Variants in MPPED1 observed in about 807,000 individuals in gnomAD.
MPPED1 encodes the protein metallophosphoesterase domain containing 1.
A neutral mutation model predicts 36.2 loss-of-function variants in MPPED1; 16 were observed. The observed-to-expected ratio is 0.44, with a 90% CI of 0.30 to 0.67. The LOEUF (loss-of-function observed/expected upper bound fraction) is 0.67. Ranked by LOEUF, MPPED1 falls within the 30% of genes least tolerant of loss-of-function variation. MPPED1 has a pLI of 0.10. For synonymous variants in MPPED1, 199 were observed against 191.3 expected (o/e 1.04, Z -0.33); for missense variants, 307 against 453.4 (o/e 0.68, Z 2.93).
At position 43,505,842 on chromosome 22, in the gene MPPED1, A is replaced by C; in HGVS notation, c.*226A>C. The C allele has an allele frequency of 1.9e-6, 1 of 531,770 alleles. No individual in the cohort carries two copies. Among genetic ancestry groups the C allele is most frequent in the Non-Finnish European group, 3.4e-6 (1 of 298,006 alleles). The allele number at this position is 531,770 out of a possible 1,614,324, so 32.9% of individuals were successfully genotyped here. ...GTGCTCATTTACTTTTTCTGCGTGTACATCCTGCGTGTACCTCGTTAAAGG... is the reference window on the plus strand; with the variant it reads ...GTGCTCATTTACTTTTTCTGCGTGTCCATCCTGCGTGTACCTCGTTAAAGG... On this transcript the variant is annotated 3_prime_UTR_variant, in exon 7 of 7. Transcript: ENST00000443721.
At chr22:43,497,525 G>GAA (rs1932458055) in intron 4 of MPPED1, among the ~76,000 whole-genome samples, 2 of 152,068 alleles carry the variant, frequency 1.3e-5, no homozygotes, top group South Asian at 4.1e-4. Context: ...AAAAGAGACT[G>GAA]CCTGCAATTG....
At chr22:43,431,554 G>C (rs190428982) in intron 2 of MPPED1, among the ~76,000 whole-genome samples, 1 of 152,180 alleles carries the variant, frequency 6.6e-6, no homozygotes, top group African/African-American at 2.4e-5. Context: ...GTCCAGCCTG[G>C]TGTGAGTTCT....
chr22:43,418,326 A>C (rs1929147616), intron 1 of MPPED1: 1 of 353,560 alleles, frequency 2.8e-6, no homozygotes, highest in Admixed American at 3.7e-5. Context: ...TCACACGGTG[A>C]AGCAAAATCT....
chr22:43,478,870 C>G (rs1242013010), intron 4 of MPPED1, among the ~76,000 whole-genome samples: 1 of 152,130 alleles, frequency 6.6e-6, no homozygotes, highest in Non-Finnish European at 1.5e-5. Context: ...GGGAAGGTGA[C>G]ATGACGTGAT....
intron 5 of MPPED1, among the ~76,000 whole-genome samples, chr22:43,500,449 C>T (rs138101242): frequency 0.99 from 145,961 of 146,880 alleles, 72,521 homozygotes; most frequent in East Asian, 1. Flanking sequence ...GAGGTGGTGA[C>T]GGAGGTGGTG....
Position 43,435,173 on chromosome 22 carries a change from C to T in MPPED1, c.364C>T (p.Leu122=). ...GATCCACGCTGGGGACTTCACTGAG[C>T]TGGGGCTCCCGAGCGAGGTGAAGAA... The part of the protein sequence containing the change: ...VLIHAGDFTE[L]GLPSEVKKFN... Residue 122 remains leucine, a synonymous_variant, in exon 3 of 7, where the codon CTG becomes TTG. Coordinates refer to ENST00000443721, the MANE Select transcript of MPPED1 (RefSeq NM_001044370.2). 1 of 1,612,674 alleles carries T rather than the reference C, an allele frequency of 6.2e-7. No homozygotes were observed.
At chr22:43,415,113 G>A (rs1411586738) in intron 1 of MPPED1, among the ~76,000 whole-genome samples, 4 of 149,236 alleles carry the variant, frequency 2.7e-5, no homozygotes, top group Admixed American at 6.8e-5. Flanking sequence ...TGCAGCCCTC[G>A]TTCTTGCTGT....
At chr22:43,432,830 GGAGA>G (rs1232755834) in intron 2 of MPPED1, among the ~76,000 whole-genome samples, 44 of 27,042 alleles carry the variant, frequency 1.6e-3, no homozygotes, top group Admixed American at 3.7e-3. Flanking sequence ...GAGAAAGGGA[GGAGA>G]GAGAGAGAAA....
chr22:43,417,819 CAG>C, intron 1 of MPPED1: 1 of 299,150 alleles, frequency 3.3e-6, no homozygotes, highest in Non-Finnish European at 6.6e-6. Context: ...GCTGTCCCAT[CAG>C]AGAGGCTGGG....
intron 3 of MPPED1, among the ~76,000 whole-genome samples, chr22:43,468,552 C>T (rs1931251571): frequency 6.6e-6 from 1 of 152,206 alleles, no homozygotes; most frequent in Admixed American, 6.5e-5. Context: ...GGGTTCAAGT[C>T]CTAGCTCTCT....
intron 3 of MPPED1, among the ~76,000 whole-genome samples, chr22:43,447,265 A>G (rs192197875): frequency 6.6e-6 from 1 of 152,228 alleles, no homozygotes; most frequent in Non-Finnish European, 1.5e-5. Context: ...TTTCTTACTG[A>G]CATGCTTTTT....
rs1326376711 is a variant in MPPED1 at position 43,506,589 on chromosome 22, C to T, written c.*973C>T. 2.6e-5 allele frequency: 4 copies of T among 152,362 alleles called. No individual in the cohort carries two copies. Among genetic ancestry groups the T allele is most frequent in the East Asian group, 3.9e-4 (2 of 5,182 alleles). The allele number at this position is 152,362 out of a possible 1,614,324, so 9.4% of individuals were successfully genotyped here. A position where few individuals can be genotyped will look rare whatever the true frequency, so the allele number is the denominator to read the frequency against. On this transcript the variant is annotated 3_prime_UTR_variant, in exon 7 of 7. Coordinates refer to ENST00000443721, the MANE Select transcript of MPPED1 (RefSeq NM_001044370.2). Reference sequence around the variant, plus strand: ...TTCCTTGGTGCGGCTTCCCTTGCACCGTTAGGATTCTGTCTGGCATGCCTG... The same window carrying T: ...TTCCTTGGTGCGGCTTCCCTTGCACTGTTAGGATTCTGTCTGGCATGCCTG...
chr22:43,476,830 G>A (rs964707375), intron 4 of MPPED1, among the ~76,000 whole-genome samples: 2 of 152,136 alleles, frequency 1.3e-5, no homozygotes, highest in Non-Finnish European at 2.9e-5. Flanking sequence ...GAGAGGAGGG[G>A]AGGTGGCTGA....
chr22:43,475,283 G>A (rs1931508726), intron 4 of MPPED1, among the ~76,000 whole-genome samples: 1 of 152,070 alleles, frequency 6.6e-6, no homozygotes, highest in South Asian at 2.1e-4. Context: ...CCTTGCCAAA[G>A]GTCACACAGC....
intron 3 of MPPED1, among the ~76,000 whole-genome samples, chr22:43,450,113 CA>C (rs1930511962): frequency 6.6e-6 from 1 of 152,212 alleles, no homozygotes; most frequent in Non-Finnish European, 1.5e-5. Flanking sequence ...TCTCACGTGT[CA>C]GTGACCTCCC....
chr22:43,475,866 G>A lies in MPPED1; in HGVS notation c.632+905G>A, dbSNP rs369832671. On this transcript the variant is annotated intron_variant, in intron 4 of 6. Coordinates refer to ENST00000443721, the MANE Select transcript of MPPED1 (RefSeq NM_001044370.2). ...TGATAATGATGGTGATGATGATGGC[G>A]ATGCTGCTGATGATGGTGATGATGG... Among the ~76,000 whole-genome samples, 839 of 128,338 alleles carry A rather than the reference G, an allele frequency of 6.5e-3. 8 individuals are homozygous for A. Among genetic ancestry groups the A allele is most frequent in the African/African-American group, 0.023 (799 of 34,710 alleles). 84.2% of individuals were successfully genotyped at this position (128,338 alleles called of 152,430 possible).
intron 3 of MPPED1, among the ~76,000 whole-genome samples, chr22:43,446,569 C>T (rs992655221): frequency 6.6e-6 from 1 of 152,092 alleles, no homozygotes; most frequent in African/African-American, 2.4e-5. Context: ...GTGGCTGGAA[C>T]CCCACGGAGA....
chr22:43,436,787 C>T (rs1029550389), intron 3 of MPPED1, among the ~76,000 whole-genome samples: 2 of 152,222 alleles, frequency 1.3e-5, no homozygotes, highest in African/African-American at 2.4e-5. Flanking sequence ...GTGCCAGGCA[C>T]GGGGTGGCAG....
At chr22:43,495,632 G>A (rs1183885511) in intron 4 of MPPED1, among the ~76,000 whole-genome samples, 2 of 95,560 alleles carry the variant, frequency 2.1e-5, no homozygotes, top group Admixed American at 1.2e-4. Context: ...GGAGATGGTG[G>A]TGGTGGAGGT....
Sources: allele counts gnomAD v4.1 joint callset (sites outside exome capture counted in the v4.1 genomes callset), GRCh38; gene constraint gnomAD v4.1.1; transcripts MANE v1.5; gene names NCBI Gene and HGNC (gene_info 2026-07-23, HGNC 2026-07-21).